Variants in MAP2 observed in about 807,000 individuals in gnomAD.
MAP2 encodes the protein microtubule-associated protein 2.
MAP2 carries 14 observed loss-of-function variants against 137.6 expected under a neutral mutation model. That is an observed-to-expected ratio of 0.10 (90% CI 0.07 to 0.16). The LOEUF is 0.16. Among genes scored for constraint, MAP2 ranks in the 10% least tolerant of loss-of-function variants. The pLI, the probability that MAP2 is intolerant of heterozygous loss-of-function variation, is 1.00. For synonymous variants in MAP2, 786 were observed against 782.3 expected, an observed-to-expected ratio of 1.00 and a Z score of -0.08; for missense variants, 2,088 against 2,191.5, an observed-to-expected ratio of 0.95 and a Z score of 0.94.
chr2:209,693,421 A>G lies in MAP2; in HGVS notation c.1251A>G (p.Gln417=). The stretch of plus-strand genomic sequence containing the variant: ...AGGAAGAAAAGGAGGCCATAAATCA[A>G]GAGACTGTGCAGCAAAGGGATACTT... ...VLEEEKEAIN[Q]ETVQQRDTFT... The change falls in exon 8 of 16, where the codon CAA becomes CAG. Residue 417 remains glutamine, a synonymous_variant. Coordinates refer to ENST00000682079, the MANE Select transcript of MAP2 (RefSeq NM_001375505.1). The G allele has an allele frequency of 6.2e-7, 1 of 1,613,770 alleles. No individual in the cohort carries two copies. The highest frequency in any genetic ancestry group is 8.5e-7 in the Non-Finnish European group (1 of 1,179,948).
At chr2:209,633,080 G>A (rs2710474) in intron 4 of MAP2, among the ~76,000 whole-genome samples, 38,812 of 151,946 alleles carry the variant, frequency 0.26, 8,629 homozygotes, top group African/African-American at 0.59. Flanking sequence ...CTTTCTACTC[G>A]ATTGCCTTTT....
At chr2:209,670,263 T>C (rs1334649280) in intron 5 of MAP2, among the ~76,000 whole-genome samples, 1 of 151,922 alleles carries the variant, frequency 6.6e-6, no homozygotes, top group African/African-American at 2.4e-5. Flanking sequence ...AACATAAACA[T>C]GCAATACATT....
intron 3 of MAP2, among the ~76,000 whole-genome samples, chr2:209,612,667 A>G (rs1045242340): frequency 2.0e-5 from 3 of 152,212 alleles, no homozygotes; most frequent in African/African-American, 7.2e-5. Context: ...GAATGAGAGA[A>G]CTATTAAATA....
intron 1 of MAP2, among the ~76,000 whole-genome samples, chr2:209,450,536 A>G (rs1428147172): frequency 2.0e-5 from 3 of 152,134 alleles, no homozygotes; most frequent in African/African-American, 7.2e-5. Context: ...AGTATAAATC[A>G]CATATTTTTA....
chr2:209,637,589 C>T (rs1385093431), intron 4 of MAP2, among the ~76,000 whole-genome samples: 2 of 152,012 alleles, frequency 1.3e-5, no homozygotes, highest in Non-Finnish European at 2.9e-5. Flanking sequence ...GCGATCAGTC[C>T]ACAGTGGCCC....
At chr2:209,544,858 A>G (rs991891862) in intron 2 of MAP2, among the ~76,000 whole-genome samples, 1 of 152,206 alleles carries the variant, frequency 6.6e-6, no homozygotes, top group African/African-American at 2.4e-5. Flanking sequence ...TTGAAATACA[A>G]TTACAGCAAG....
At chr2:209,485,720 C>A (rs866545232) in intron 1 of MAP2, among the ~76,000 whole-genome samples, 20 of 152,342 alleles carry the variant, frequency 1.3e-4, no homozygotes, top group African/African-American at 4.8e-4. Flanking sequence ...TTGGCACCAA[C>A]ACTGCTACTA....
At chr2:209,479,437 A>C (rs1366683899) in intron 1 of MAP2, among the ~76,000 whole-genome samples, 2 of 152,154 alleles carry the variant, frequency 1.3e-5, no homozygotes, top group African/African-American at 4.8e-5. Flanking sequence ...CTTAATAGAT[A>C]GGAACTATGA....
intron 13 of MAP2, among the ~76,000 whole-genome samples, chr2:209,711,238 A>G (rs922861957): frequency 3.9e-5 from 6 of 151,982 alleles, no homozygotes; most frequent in Admixed American, 3.3e-4. Flanking sequence ...TGTCTCTTGT[A>G]TTTTGTGCCA....
At chr2:209,586,690 A>G (rs577493718) in intron 3 of MAP2, among the ~76,000 whole-genome samples, 1 of 152,290 alleles carries the variant, frequency 6.6e-6, no homozygotes, top group South Asian at 2.1e-4. Flanking sequence ...TGGGGATCTT[A>G]CTAAAATGCA....
chr2:209,727,512 C>T (rs2074498975), intron 14 of MAP2, among the ~76,000 whole-genome samples: 1 of 152,200 alleles, frequency 6.6e-6, no homozygotes, highest in South Asian at 2.1e-4. Context: ...CATGGACTCC[C>T]ACCTATTTCT....
intron 2 of MAP2, among the ~76,000 whole-genome samples, chr2:209,569,757 G>A (rs989028663): frequency 2.0e-5 from 3 of 151,774 alleles, no homozygotes; most frequent in Non-Finnish European, 4.4e-5. Flanking sequence ...CTCATGTAAC[G>A]TTTAAGATTC....
intron 1 of MAP2, among the ~76,000 whole-genome samples, chr2:209,493,123 CCA>C (rs996552894): frequency 2.0e-5 from 3 of 152,066 alleles, no homozygotes; most frequent in Non-Finnish European, 4.4e-5. Context: ...AGAAATAATG[CCA>C]CACATCTACA....
intron 1 of MAP2, among the ~76,000 whole-genome samples, chr2:209,501,837 C>T (rs2060418158): frequency 6.6e-6 from 1 of 152,062 alleles, no homozygotes; most frequent in South Asian, 2.1e-4. Context: ...GCATCCGCTC[C>T]TGGCACTGCA....
chr2:209,496,405 T>G (rs1317798326), intron 1 of MAP2, among the ~76,000 whole-genome samples: 1 of 152,238 alleles, frequency 6.6e-6, no homozygotes, highest in Non-Finnish European at 1.5e-5. Flanking sequence ...TAATATGAGC[T>G]GTCTAGACAA....
In MAP2 at chr2:209,731,962, A is replaced by T. The variant is rs2075832078; in HGVS notation, c.*1565A>T. The T allele has an allele frequency of 6.6e-6, 1 of 152,196 alleles. No homozygotes were observed. The highest frequency in any genetic ancestry group is 1.9e-4 in the East Asian group (1 of 5,202). 9.4% of individuals were successfully genotyped at this position (152,196 alleles called of 1,614,324 possible). ...TATACAGTCTAGAACTCACAAATCAATTAGTTCCTCTCACAAATCATTCAT... is the reference window on the plus strand; with the variant it reads ...TATACAGTCTAGAACTCACAAATCATTTAGTTCCTCTCACAAATCATTCAT... On this transcript the variant is annotated 3_prime_UTR_variant, in exon 16 of 16. Transcript: ENST00000682079.
intron 1 of MAP2, among the ~76,000 whole-genome samples, chr2:209,464,650 T>A (rs1386053595): frequency 6.6e-6 from 1 of 152,048 alleles, no homozygotes; most frequent in Admixed American, 6.6e-5. Context: ...TATTTATCAG[T>A]AACACATTAA....
intron 1 of MAP2, among the ~76,000 whole-genome samples, chr2:209,499,057 A>G (rs1307071198): frequency 6.6e-6 from 1 of 152,208 alleles, no homozygotes; most frequent in East Asian, 1.9e-4. Context: ...AAAATTTTCT[A>G]AACTTTTATG....
At chr2:209,480,630 G>A (rs1004405701) in intron 1 of MAP2, among the ~76,000 whole-genome samples, 37 of 151,998 alleles carry the variant, frequency 2.4e-4, no homozygotes, top group African/African-American at 8.9e-4. Flanking sequence ...GCTGCTTTAT[G>A]TATCAGTCAT....
Sources: gnomAD v4.1 joint callset for allele counts (sites outside exome capture counted in the v4.1 genomes callset) on GRCh38, gnomAD v4.1.1 for gene constraint, MANE v1.5 for transcripts, NCBI Gene and HGNC (gene_info 2026-07-23, HGNC 2026-07-21) for gene names.